DNAH6: variants seen among roughly 807,000 people sequenced by gnomAD.
DNAH6 encodes axonemal beta dynein heavy chain 6.
Under a neutral mutation model 491.4 loss-of-function variants are expected in DNAH6, and 340 were observed. That is an observed-to-expected ratio of 0.69 (90% CI 0.63 to 0.76). The LOEUF is 0.76. Ranked by LOEUF, DNAH6 falls within the 30% of genes least tolerant of loss-of-function variation. DNAH6 has a pLI of 0.00. For missense variants in DNAH6, 4,443 were observed against 4,972.2 expected, an observed-to-expected ratio of 0.89 and a Z score of 3.20; for synonymous variants, 1,603 against 1,686.1, an observed-to-expected ratio of 0.95 and a Z score of 1.21.
At chr2:84,688,325 G>A in intron 44 of DNAH6, 114 bp from the exon 45 acceptor site, 1 of 816,166 alleles carries the variant, frequency 1.2e-6, no homozygotes, top group East Asian at 3.3e-5. Flanking sequence ...AAATTTTATT[G>A]CAAAGACCTT....
Position 84,653,738 on chromosome 2 carries a change from A to C in DNAH6, c.5498A>C (p.Lys1833Thr), listed in dbSNP as rs1291428862. The change falls in exon 34 of 77, where the codon AAA becomes ACA. Residue 1833 changes from lysine (K) to threonine (T), a missense_variant. Around this residue, in one of 3 missense-constraint regions of DNAH6, gnomAD observed 2,977 missense variants for 3,296.6 expected, o/e 0.90. Transcript: ENST00000389394. Reference protein sequence around the residue: ...AAVNDTSEDHKWIISDGPVDA... With the variant: ...AAVNDTSEDHTWIISDGPVDA... ...GTGAATGATACTTCAGAAGACCATA[A>C]ATGGATCATCAGTGATGGGCCAGTA... 6.4e-7 allele frequency: 1 copy of C among 1,551,350 alleles called. No homozygotes were observed. Among genetic ancestry groups the C allele is most frequent in the South Asian group, 1.2e-5 (1 of 84,052 alleles).
chr2:84,757,701 C>T (rs76977869), intron 63 of DNAH6, among the ~76,000 whole-genome samples: 1 of 152,292 alleles, frequency 6.6e-6, no homozygotes, highest in African/African-American at 2.4e-5. Flanking sequence ...TCTAAACCAC[C>T]TAATACGAAA....
intron 10 of DNAH6, among the ~76,000 whole-genome samples, chr2:84,553,626 C>CTCTT (rs1171839363): frequency 2.4e-5 from 1 of 42,334 alleles, no homozygotes; most frequent in Non-Finnish European, 4.7e-5. Context: ...CCAGGACTGG[C>CTCTT]TATTTTTTTT....
the DNAH6 span, among the ~76,000 whole-genome samples, chr2:84,468,440 T>G: frequency 1.3e-5 from 2 of 152,216 alleles, no homozygotes; most frequent in African/African-American, 4.8e-5. Flanking sequence ...AGCTTGAATA[T>G]CTGTTTTTAA....
intron 11 of DNAH6, 80 bp from the exon 12 acceptor site, chr2:84,573,387 T>C (rs1437722671): frequency 3.3e-6 from 4 of 1,228,586 alleles, no homozygotes; most frequent in African/African-American, 1.6e-5. Context: ...TGCTTGCTTG[T>C]TTCTTTGTTT....
intron 11 of DNAH6, among the ~76,000 whole-genome samples, chr2:84,565,587 T>C (rs1681113469): frequency 2.6e-5 from 4 of 151,974 alleles, no homozygotes; most frequent in Admixed American, 6.6e-5. Context: ...TTCTTTTTAT[T>C]TGTTAATCTA....
intron 11 of DNAH6, among the ~76,000 whole-genome samples, chr2:84,559,209 A>T (rs899018098): frequency 6.6e-6 from 1 of 152,196 alleles, no homozygotes; most frequent in African/African-American, 2.4e-5. Flanking sequence ...TGCAGAAATG[A>T]TTTTAAAAAG....
At chr2:84,656,589 A>T (rs1690993420) in intron 35 of DNAH6, among the ~76,000 whole-genome samples, 1 of 152,038 alleles carries the variant, frequency 6.6e-6, no homozygotes, top group Admixed American at 6.6e-5. Flanking sequence ...GTATTTCATG[A>T]GGTGCCTATT....
At chr2:84,566,472 T>C (rs1472284562) in intron 11 of DNAH6, among the ~76,000 whole-genome samples, 3 of 151,966 alleles carry the variant, frequency 2.0e-5, no homozygotes, top group African/African-American at 7.2e-5. Flanking sequence ...TTGGAAAAAA[T>C]TTCTTAAATG....
chr2:84,709,245 T>G (rs1238136127), intron 54 of DNAH6, 98 bp from the exon 55 acceptor site: 15 of 1,257,698 alleles, frequency 1.2e-5, no homozygotes, highest in Non-Finnish European at 1.7e-5. Context: ...GGCTTAGCTC[T>G]TCAGCCACTG....
At chr2:84,584,827 A>G (rs1030323622) in intron 15 of DNAH6, 1 of 152,256 alleles carries the variant, frequency 6.6e-6, no homozygotes, top group Admixed American at 6.5e-5. Context: ...AAACCTGCAC[A>G]TGTATCCCTG....
chr2:84,756,602 T>G (rs1367805980), intron 63 of DNAH6, among the ~76,000 whole-genome samples: 1 of 152,210 alleles, frequency 6.6e-6, no homozygotes, highest in African/African-American at 2.4e-5. Context: ...TTGTCACTAG[T>G]GAAGGATGAG....
intron 45 of DNAH6, among the ~76,000 whole-genome samples, chr2:84,690,553 A>G (rs1226642301): frequency 6.6e-6 from 1 of 152,240 alleles, no homozygotes; most frequent in Non-Finnish European, 1.5e-5. Flanking sequence ...AATTCTATTT[A>G]TAATCTTTCT....
rs762068675 is a variant in DNAH6, at chr2:84,718,272, C to G, written c.9680C>G (p.Thr3227Ser). 1 of 1,551,028 alleles carries G rather than the reference C, an allele frequency of 6.4e-7. No individual in the cohort carries two copies. Residue 3227 changes from threonine to serine, a missense_variant, in exon 59 of 77, where the codon ACT becomes AGT. Transcript: ENST00000389394. ...ATTAAGCTCATCGTGAGGATCAACA[C>G]TGATAAAAACCAGTTGAAAACTATC... ...QRIKLIVRIN[T>S]DKNQLKTIEE...
intron 63 of DNAH6, among the ~76,000 whole-genome samples, chr2:84,748,010 C>T (rs111758582): frequency 9.8e-5 from 15 of 152,314 alleles, no homozygotes; most frequent in African/African-American, 1.7e-4. Context: ...AGGACAGCGA[C>T]GCCCAAGGCT....
At position 84,621,275 on chromosome 2, in the gene DNAH6, C is replaced by T. The variant is rs546056720; in HGVS notation, c.3877C>T (p.Arg1293Cys). The T allele has an allele frequency of 1.7e-5, 26 of 1,551,482 alleles. No homozygotes were observed. The highest frequency in any genetic ancestry group is 2.2e-5 in the Non-Finnish European group (25 of 1,146,918). The change falls in exon 25 of 77, where the codon CGT becomes TGT. Residue 1293 changes from arginine (R) to cysteine (C), a missense_variant. Physicochemically the swap from Arg to Cys is radical, Grantham distance 180. This residue lies in a region of DNAH6 where 2,977 missense variants were observed against 3,296.6 expected (regional missense o/e 0.90). Coordinates refer to ENST00000389394, the MANE Select transcript of DNAH6 (RefSeq NM_001370.2). ...GGAAGAAGCCATGTTCACATCTCTG[C>T]GTCGCCTGTGCAAAGCTGCCATCGC... ...KVEEAMFTSLRRLCKAAIADY... is the reference protein window; with the variant it reads ...KVEEAMFTSLCRLCKAAIADY...
chr2:84,727,858 G>T lies in DNAH6; in HGVS notation c.10162G>T (p.Ala3388Ser). 6.4e-7 allele frequency: 1 copy of T among 1,552,068 alleles called. No individual in the cohort carries two copies. The highest frequency in any genetic ancestry group is 8.7e-7 in the Non-Finnish European group (1 of 1,146,974). The change falls in exon 61 of 77, where the codon GCT (alanine) becomes TCT (serine). Residue 3388 changes from alanine to serine, a missense_variant. This residue lies in a region of DNAH6 where 1,463 missense variants were observed against 1,656.6 expected (regional missense o/e 0.88). Transcript: ENST00000389394. ...GCGTCAGCAAGGAACCCTATCTGAT[G>T]CTGAATGGAATTTCTTTCTCCGAGG... Reference protein sequence around the residue: ...MMRQQGTLSDAEWNFFLRGSA... With the variant: ...MMRQQGTLSDSEWNFFLRGSA...
chr2:84,506,325 G>C, the DNAH6 span, among the ~76,000 whole-genome samples: 1 of 151,888 alleles, frequency 6.6e-6, no homozygotes, highest in African/African-American at 2.4e-5. Context: ...CAGTGATGGT[G>C]AGCATTTTTT....
chr2:84,795,796 A>G (rs1678287681), intron 68 of DNAH6, among the ~76,000 whole-genome samples: 2 of 152,230 alleles, frequency 1.3e-5, no homozygotes, highest in African/African-American at 4.8e-5. Context: ...ATTCCTTATA[A>G]TTACTGTGAA....
Sources: allele counts gnomAD v4.1 joint callset (sites outside exome capture counted in the v4.1 genomes callset), GRCh38; gene constraint gnomAD v4.1.1; regional missense constraint gnomAD v4.1.1; transcripts MANE v1.5; gene names NCBI Gene and HGNC (gene_info 2026-07-23, HGNC 2026-07-21).